LHFPL2: variants seen among roughly 807,000 people sequenced by gnomAD.
LHFPL2 encodes LHFPL tetraspan subfamily member 2, also known as LHFPL tetraspan subfamily member 2 protein.
LHFPL2 carries 7 observed loss-of-function variants against 17.5 expected under a neutral mutation model. The ratio of observed to expected loss-of-function variants is 0.40; its 90% CI spans 0.23 to 0.75. The LOEUF (loss-of-function observed/expected upper bound fraction) is 0.75. Among genes scored for constraint, LHFPL2 ranks in the 30% least tolerant of loss-of-function variants. LHFPL2 has a pLI of 0.37. For missense variants in LHFPL2, 241 were observed against 294.8 expected, an observed-to-expected ratio of 0.82 and a Z score of 1.34; for synonymous variants, 134 against 116.2, an observed-to-expected ratio of 1.15 and a Z score of -0.99.
intron 2 of LHFPL2, among the ~76,000 whole-genome samples, chr5:78,621,959 T>G (rs1343964124): frequency 6.6e-6 from 1 of 152,170 alleles, no homozygotes; most frequent in East Asian, 1.9e-4. Context: ...CTAGTCAGTG[T>G]TCCTCCCGAG....
chr5:78,539,051 TC>T (rs772137496), intron 3 of LHFPL2, among the ~76,000 whole-genome samples: 2 of 152,104 alleles, frequency 1.3e-5, no homozygotes, highest in East Asian at 3.9e-4. Flanking sequence ...CATGCTGAAA[TC>T]CCCCACAAAA....
intron 3 of LHFPL2, among the ~76,000 whole-genome samples, chr5:78,531,719 T>C (rs535319280): frequency 6.6e-6 from 1 of 152,164 alleles, no homozygotes; most frequent in Non-Finnish European, 1.5e-5. Context: ...CAGTGGCCAA[T>C]GAGATGGGGA....
chr5:78,598,026 G>C (rs1374680616), intron 2 of LHFPL2, among the ~76,000 whole-genome samples: 1 of 152,158 alleles, frequency 6.6e-6, no homozygotes, highest in African/African-American at 2.4e-5. Flanking sequence ...GAATAATGCA[G>C]TTAATACAAA....
chr5:78,508,871 A>ATTC, intron 4 of LHFPL2, among the ~76,000 whole-genome samples: 1 of 152,080 alleles, frequency 6.6e-6, no homozygotes, highest in Non-Finnish European at 1.5e-5. Context: ...GCAAGAGTCT[A>ATTC]CTCTACTTCT....
At chr5:78,602,953 C>A (rs559266142) in intron 2 of LHFPL2, among the ~76,000 whole-genome samples, 1 of 152,220 alleles carries the variant, frequency 6.6e-6, no homozygotes, top group South Asian at 2.1e-4. Flanking sequence ...TGCAGTGGTG[C>A]GATCTCAGCT....
intron 3 of LHFPL2, among the ~76,000 whole-genome samples, chr5:78,538,827 G>A (rs1756022652): frequency 6.6e-6 from 1 of 152,126 alleles, no homozygotes; most frequent in African/African-American, 2.4e-5. Flanking sequence ...AGATGCACAG[G>A]TTGCCTCAGG....
rs570503373 is a variant in LHFPL2, at chr5:78,518,819, G to C, written c.-185-8421C>G. Among the ~76,000 whole-genome samples the C allele has an allele frequency of 4.6e-5, 7 of 152,326 alleles. No individual in the cohort carries two copies. In the South Asian group the frequency reaches 6.2e-4, roughly 14 times the overall value. ...ATATGATCCAGTGTCCTCTTTCTGG[G>C]AAGAGGGACTTATTATTGTAGCTTC... On this transcript the variant is annotated intron_variant, in intron 3 of 4. Coordinates refer to ENST00000380345, the MANE Select transcript of LHFPL2 (RefSeq NM_005779.3).
At chr5:78,607,874 A>G (rs1190865042) in intron 2 of LHFPL2, among the ~76,000 whole-genome samples, 1 of 152,226 alleles carries the variant, frequency 6.6e-6, no homozygotes, top group Non-Finnish European at 1.5e-5. Context: ...TGGTAGATCT[A>G]TGTAATGCCC....
chr5:78,616,039 C>T (rs904314080), intron 2 of LHFPL2, among the ~76,000 whole-genome samples: 9 of 152,132 alleles, frequency 5.9e-5, no homozygotes, highest in Non-Finnish European at 7.4e-5. Flanking sequence ...TCTTGTCCTC[C>T]TTCCTTCTGC....
chr5:78,614,119 G>A lies in LHFPL2; in HGVS notation c.-245+18145C>T, dbSNP rs139972862. Among the ~76,000 whole-genome samples the A allele has an allele frequency of 3.3e-3, 510 of 152,310 alleles. 4 individuals are homozygous for A. The highest frequency in any genetic ancestry group is 0.012 in the African/African-American group (496 of 41,572). On this transcript the variant is annotated intron_variant, in intron 2 of 4. Transcript: ENST00000380345. ...GGCGCCGATGCTATGAGAAACACGA[G>A]TTAATGAAAGGGTTTAGCTCCAAGT...
chr5:78,641,563 T>C (rs1328101958), intron 1 of LHFPL2, among the ~76,000 whole-genome samples: 1 of 152,210 alleles, frequency 6.6e-6, no homozygotes, highest in Non-Finnish European at 1.5e-5. Context: ...AGTAAATACC[T>C]TGGAAGTCTT....
chr5:78,537,427 A>G (rs1489308844), intron 3 of LHFPL2, among the ~76,000 whole-genome samples: 4 of 152,226 alleles, frequency 2.6e-5, no homozygotes, highest in Admixed American at 1.3e-4. Context: ...TTGCCAGCCC[A>G]TCCTGGCTCA....
intron 2 of LHFPL2, among the ~76,000 whole-genome samples, chr5:78,578,587 A>ACG (rs773116585): frequency 7.5e-5 from 3 of 39,986 alleles, no homozygotes; most frequent in Non-Finnish European, 1.6e-4. Flanking sequence ...GCATATGTGC[A>ACG]CACACACACA....
intron 3 of LHFPL2, among the ~76,000 whole-genome samples, chr5:78,544,876 G>A (rs911394656): frequency 1.3e-5 from 2 of 152,060 alleles, no homozygotes; most frequent in Admixed American, 6.6e-5. Flanking sequence ...CCAGGACAGC[G>A]ACAAGCTTTT....
Position 78,489,108 on chromosome 5 carries a change from C to T in LHFPL2, c.476G>A (p.Gly159Asp), listed in dbSNP as rs1205000558. 6.2e-7 allele frequency: 1 copy of T among 1,614,024 alleles called. No individual in the cohort carries two copies. Among genetic ancestry groups the T allele is most frequent in the African/African-American group, 1.3e-5 (1 of 74,926 alleles). Residue 159 changes from glycine to aspartate, a missense_variant, in exon 5 of 5, where the codon GGT becomes GAT. Physicochemically the swap from Gly to Asp is moderately conservative, Grantham distance 94 (BLOSUM62 -1). Coordinates refer to ENST00000380345, the MANE Select transcript of LHFPL2 (RefSeq NM_005779.3). ...LGLILYPAGW[G>D]CQKAIDYCGH... is the part of the protein sequence containing the mutation. ...ACAGTAGTCTATGGCCTTCTGGCAA[C>T]CCCAGCCAGCAGGGTAGAGTATCAA...
chr5:78,632,956 G>A (rs1745307853), intron 1 of LHFPL2, among the ~76,000 whole-genome samples: 1 of 152,140 alleles, frequency 6.6e-6, no homozygotes, highest in Non-Finnish European at 1.5e-5. Context: ...GGGGGGTCCT[G>A]GAAGCAAGGA....
intron 2 of LHFPL2, among the ~76,000 whole-genome samples, chr5:78,592,108 C>G (rs1482269566): frequency 6.6e-6 from 1 of 152,198 alleles, no homozygotes; most frequent in African/African-American, 2.4e-5. Context: ...AATTAACAGG[C>G]AGTACAATAG....
chr5:78,583,689 A>G (rs200519362), intron 2 of LHFPL2, among the ~76,000 whole-genome samples: 24 of 152,192 alleles, frequency 1.6e-4, no homozygotes, highest in Middle Eastern at 3.4e-3. Flanking sequence ...AGGGTAACCC[A>G]ACCTTTCTCT....
At chr5:78,501,150 T>A (rs73766815) in intron 4 of LHFPL2, among the ~76,000 whole-genome samples, 7,320 of 152,282 alleles carry the variant, frequency 0.048, 355 homozygotes, top group East Asian at 0.26. Flanking sequence ...CCAGAAAGAT[T>A]GTTGGGAGGG....
Sources: gnomAD v4.1 joint callset for allele counts (sites outside exome capture counted in the v4.1 genomes callset) on GRCh38, gnomAD v4.1.1 for gene constraint, MANE v1.5 for transcripts, NCBI Gene and HGNC (gene_info 2026-07-23, HGNC 2026-07-21) for gene names.